Variants in XIRP2 observed in about 807,000 individuals in gnomAD.
XIRP2 encodes xin actin binding repeat containing 2, also known as xin actin-binding repeat-containing protein 2.
In XIRP2, 236 loss-of-function variants were observed where a neutral mutation model predicts 277.0. The ratio of observed to expected loss-of-function variants is 0.85; its 90% CI spans 0.77 to 0.95. The LOEUF is 0.95. XIRP2 is among the 40% of genes least tolerant of loss of function. XIRP2 has a pLI of 0.00. For missense variants in XIRP2, 4,640 were observed against 4,157.5 expected (o/e 1.12, Z -3.19); for synonymous variants, 1,490 against 1,416.5 (o/e 1.05, Z -1.17).
At chr2:167,031,114 A>G (rs1688333795) in intron 2 of XIRP2, among the ~76,000 whole-genome samples, 1 of 151,848 alleles carries the variant, frequency 6.6e-6, no homozygotes, top group South Asian at 2.1e-4. Flanking sequence ...GATCTCCTGA[A>G]TACAGCACAC....
At chr2:167,175,971 C>T (rs1307057571) in intron 3 of XIRP2, among the ~76,000 whole-genome samples, 2 of 152,146 alleles carry the variant, frequency 1.3e-5, no homozygotes, top group Middle Eastern at 3.2e-3. Context: ...CCTTCCCTTA[C>T]CAAGTTTGAG....
intron 5 of XIRP2, among the ~76,000 whole-genome samples, chr2:167,226,066 C>T (rs905683665): frequency 2.0e-5 from 3 of 152,178 alleles, no homozygotes; most frequent in African/African-American, 4.8e-5. Context: ...TGGGACGTCT[C>T]AGTTCCTGAC....
intron 5 of XIRP2, among the ~76,000 whole-genome samples, chr2:167,226,256 C>A (rs930353239): frequency 2.6e-5 from 4 of 152,088 alleles, no homozygotes; most frequent in African/African-American, 9.7e-5. Flanking sequence ...CATAATTGCC[C>A]ATTTTATTAC....
At chr2:166,980,671 G>A (rs1686841015) in intron 2 of XIRP2, among the ~76,000 whole-genome samples, 1 of 152,058 alleles carries the variant, frequency 6.6e-6, no homozygotes, top group Non-Finnish European at 1.5e-5. Flanking sequence ...ACCCACCTCA[G>A]CCTCCCAAAA....
chr2:167,134,588 T>G (rs1380336688), intron 2 of XIRP2, among the ~76,000 whole-genome samples: 7 of 152,134 alleles, frequency 4.6e-5, no homozygotes, highest in Admixed American at 1.3e-4. Context: ...AGTGCCTTCT[T>G]ATCCATGGGG....
intron 2 of XIRP2, among the ~76,000 whole-genome samples, chr2:166,934,105 C>A (rs1685424838): frequency 1.3e-5 from 2 of 149,428 alleles, no homozygotes; most frequent in African/African-American, 5.0e-5. Flanking sequence ...CTTCTTCTAA[C>A]CAATAGAACA....
Position 166,892,934 on chromosome 2 carries a change from A to T in XIRP2, c.-19+4377A>T, listed in dbSNP as rs1312680651. On this transcript the variant is annotated intron_variant, in intron 1 of 10. Transcript: ENST00000409195. ...TATGTGTATATATGTATATATGTGT[A>T]TATGTGTATATTTATGTGTGTGTAT... 2.0e-5 allele frequency among the ~76,000 whole-genome samples: 3 copies of T among 148,816 alleles called. No individual in the cohort carries two copies. The South Asian group carries it at 6.3e-4, about 31-fold the overall frequency.
At chr2:167,154,940 A>G (rs1198162603) in intron 3 of XIRP2, among the ~76,000 whole-genome samples, 2 of 152,126 alleles carry the variant, frequency 1.3e-5, no homozygotes, top group African/African-American at 4.8e-5. Context: ...CAGAAATACA[A>G]ACTACCATCA....
intron 3 of XIRP2, among the ~76,000 whole-genome samples, chr2:167,200,424 A>G (rs879945172): frequency 6.6e-6 from 1 of 152,216 alleles, no homozygotes; most frequent in South Asian, 2.1e-4. Flanking sequence ...GGAAAAAAAC[A>G]TGAGGAACCA....
intron 3 of XIRP2, among the ~76,000 whole-genome samples, chr2:167,199,190 G>A (rs1336149403): frequency 6.6e-6 from 1 of 152,132 alleles, no homozygotes; most frequent in Non-Finnish European, 1.5e-5. Flanking sequence ...TGAAGGTGAA[G>A]AGAGGAAATT....
chr2:167,217,932 C>T (rs1694304955), intron 4 of XIRP2, among the ~76,000 whole-genome samples: 1 of 151,998 alleles, frequency 6.6e-6, no homozygotes, highest in African/African-American at 2.4e-5. Context: ...AGAATTAACT[C>T]AATACTTTGA....
intron 2 of XIRP2, among the ~76,000 whole-genome samples, chr2:166,941,972 A>G (rs1417722620): frequency 6.6e-6 from 1 of 152,208 alleles, no homozygotes; most frequent in Non-Finnish European, 1.5e-5. Context: ...TCTGCTCTCC[A>G]TCTTCTCTGT....
rs1438108712 is a variant in XIRP2, at chr2:167,244,673, G to C, written c.3281G>C (p.Cys1094Ser). Residue 1094 changes from cysteine to serine, a missense_variant, in exon 9 of 11, where the codon TGT (cysteine) becomes TCT (serine). Cys to Ser is a moderately radical substitution (Grantham distance 112). Transcript: ENST00000409195. ...ATTGTTAAAGGGGATGTCAAAACCT[G>C]TAAATGGCTTTTTGAGACCCAGCCA... ...RDIVKGDVKT[C>S]KWLFETQPME... 1 of 1,613,442 alleles carries C rather than the reference G, an allele frequency of 6.2e-7. No individual in the cohort carries two copies. Among genetic ancestry groups the C allele is most frequent in the Non-Finnish European group, 8.5e-7 (1 of 1,179,736 alleles).
chr2:167,040,961 C>T (rs1688645088), intron 2 of XIRP2, among the ~76,000 whole-genome samples: 1 of 152,160 alleles, frequency 6.6e-6, no homozygotes, highest in Admixed American at 6.5e-5. Context: ...ATGGGACAGC[C>T]CGTTGCCCTG....
At chr2:167,237,079 T>G (rs1178132281) in intron 5 of XIRP2, among the ~76,000 whole-genome samples, 1 of 152,142 alleles carries the variant, frequency 6.6e-6, no homozygotes, top group Non-Finnish European at 1.5e-5. Flanking sequence ...AGTATGGCAA[T>G]TACAGTTCTA....
At chr2:166,957,056 G>A (rs76614693) in intron 2 of XIRP2, among the ~76,000 whole-genome samples, 6,244 of 151,680 alleles carry the variant, frequency 0.041, 161 homozygotes, top group East Asian at 0.079. Context: ...CCATTGTCCT[G>A]GAATACTGTA....
At chr2:167,165,860 T>C (rs1037865477) in intron 3 of XIRP2, among the ~76,000 whole-genome samples, 1 of 152,230 alleles carries the variant, frequency 6.6e-6, no homozygotes, top group Non-Finnish European at 1.5e-5. Context: ...CCAGCTTATT[T>C]GTTCTCTCAT....
intron 3 of XIRP2, among the ~76,000 whole-genome samples, chr2:167,162,400 T>C (rs1445280453): frequency 6.6e-6 from 1 of 152,214 alleles, no homozygotes; most frequent in Non-Finnish European, 1.5e-5. Flanking sequence ...CAGTTCCACA[T>C]GGCTGGGGAA....
intron 2 of XIRP2, among the ~76,000 whole-genome samples, chr2:167,045,655 A>G (rs1292930070): frequency 6.6e-6 from 1 of 152,132 alleles, no homozygotes; most frequent in Non-Finnish European, 1.5e-5. Flanking sequence ...ATTAATCATT[A>G]GAGAAATGCA....
Sources: allele counts gnomAD v4.1 joint callset (sites outside exome capture counted in the v4.1 genomes callset), GRCh38; gene constraint gnomAD v4.1.1; transcripts MANE v1.5; gene names NCBI Gene and HGNC (gene_info 2026-07-23, HGNC 2026-07-21).